TCF20: variants seen among roughly 807,000 people sequenced by gnomAD.
TCF20 encodes the protein SPRE-binding protein.
In TCF20, 3 loss-of-function variants were observed where a neutral mutation model predicts 148.6. That is an observed-to-expected ratio of 0.02 (90% CI 0.01 to 0.05). The LOEUF (loss-of-function observed/expected upper bound fraction) is 0.05. TCF20 is among the 10% of genes least tolerant of loss of function. TCF20 has a pLI of 1.00. For missense variants in TCF20, 2,350 were observed against 2,429.3 expected, an observed-to-expected ratio of 0.97 and a Z score of 0.69; for synonymous variants, 1,049 against 909.5, an observed-to-expected ratio of 1.15 and a Z score of -2.76.
chr22:42,217,605 T>C (rs990619586), intron 1 of TCF20, among the ~76,000 whole-genome samples: 1 of 152,236 alleles, frequency 6.6e-6, no homozygotes, highest in Admixed American at 6.5e-5. Flanking sequence ...GTGTAAGAAC[T>C]AGGCCTTAGA....
At chr22:42,267,447 A>C (rs1224667955) in intron 1 of TCF20, among the ~76,000 whole-genome samples, 1 of 152,214 alleles carries the variant, frequency 6.6e-6, no homozygotes, top group Admixed American at 6.5e-5. Flanking sequence ...TCATACCTGT[A>C]ATCCCAGCAC....
intron 3 of TCF20, among the ~76,000 whole-genome samples, chr22:42,172,184 G>C (rs1229210508): frequency 6.6e-6 from 1 of 152,206 alleles, no homozygotes; most frequent in Non-Finnish European, 1.5e-5. Flanking sequence ...TCTCATACAT[G>C]TCCACAGGCC....
intron 3 of TCF20, 87 bp downstream of exon 3, chr22:42,179,522 G>GA (rs1328873526): frequency 1.1e-4 from 65 of 587,950 alleles, no homozygotes; most frequent in South Asian, 1.4e-4. Flanking sequence ...GAAAAGAAAA[G>GA]AAAAAAAACA....
intron 1 of TCF20, among the ~76,000 whole-genome samples, chr22:42,325,206 A>G (rs1427435035): frequency 6.6e-6 from 1 of 152,180 alleles, no homozygotes; most frequent in Non-Finnish European, 1.5e-5. Context: ...CGGATACTCT[A>G]TGGTGCTGGA....
chr22:42,220,753 G>C (rs527845841), intron 1 of TCF20, among the ~76,000 whole-genome samples: 1 of 152,188 alleles, frequency 6.6e-6, no homozygotes, highest in African/African-American at 2.4e-5. Context: ...AAAGTGAGAG[G>C]AACTTACTCT....
chr22:42,187,050 T>C (rs756824218), intron 2 of TCF20, among the ~76,000 whole-genome samples: 5 of 152,222 alleles, frequency 3.3e-5, no homozygotes, highest in Non-Finnish European at 7.3e-5. Flanking sequence ...GCTGCCTGCA[T>C]CAGAGTCACC....
In TCF20 at chr22:42,161,972, C is replaced by CTTTTTTTT. The variant is rs3045573; in HGVS notation, c.*45-622_*45-615dup. Among the ~76,000 whole-genome samples, 101 of 75,020 alleles carry CTTTTTTTT rather than the reference C, an allele frequency of 1.3e-3. 20 individuals are homozygous for CTTTTTTTT. Among genetic ancestry groups the CTTTTTTTT allele is most frequent in the Middle Eastern group, 9.6e-3 (1 of 104 alleles). The allele number at this position is 75,020 out of a possible 152,430, so 49.2% of individuals were successfully genotyped here. ...GCCACCATGCTTGGCTAATGACAGT[C>CTTTTTTTT]TTTTTTTTTTTTTTTTTTTTTTTTT... On this transcript the variant is annotated intron_variant, in intron 5 of 5. Coordinates refer to ENST00000677622, the MANE Select transcript of TCF20 (RefSeq NM_001378418.1).
At chr22:42,252,445 CA>C (rs1171290893) in intron 1 of TCF20, among the ~76,000 whole-genome samples, 3 of 151,994 alleles carry the variant, frequency 2.0e-5, no homozygotes, top group Non-Finnish European at 1.5e-5. Context: ...CCTTTATCCA[CA>C]CACAAGACAG....
chr22:42,172,698 T>C lies in TCF20; in HGVS notation c.5750-2802A>G, dbSNP rs529960196. Among the ~76,000 whole-genome samples, 4 of 152,306 alleles carry C rather than the reference T, an allele frequency of 2.6e-5. No homozygotes were observed. The East Asian group carries it at 7.7e-4, about 29-fold the overall frequency. ...CCACATGCTCCCAGGCTGAGGATGG[T>C]GGGCTCAAGGAGGGAGGTAGGAAAA... On this transcript the variant is annotated intron_variant, in intron 3 of 5. Coordinates refer to ENST00000677622, the MANE Select transcript of TCF20 (RefSeq NM_001378418.1).
chr22:42,184,504 T>C (rs548200752), intron 2 of TCF20, among the ~76,000 whole-genome samples: 1 of 152,360 alleles, frequency 6.6e-6, no homozygotes, highest in African/African-American at 2.4e-5. Flanking sequence ...ATTTTTATTC[T>C]ATACTTTTTA....
At chr22:42,242,677 A>G (rs1330330218) in intron 1 of TCF20, among the ~76,000 whole-genome samples, 1 of 152,136 alleles carries the variant, frequency 6.6e-6, no homozygotes, top group African/African-American at 2.4e-5. Context: ...ACCTGAGGTC[A>G]GGAGTTCAAG....
chr22:42,238,843 C>T (rs557531627), intron 1 of TCF20, among the ~76,000 whole-genome samples: 1 of 152,294 alleles, frequency 6.6e-6, no homozygotes, highest in Non-Finnish European at 1.5e-5. Context: ...TCAGGCCGGG[C>T]GCGGTGGCTC....
In TCF20 at chr22:42,164,887, GT is replaced by G. The variant is rs546283062; in HGVS notation, c.*45-3530del. ...CAGAAGCCCAGAGGAAGGAAGCCTG[GT>G]CCCTGAGGAGCTGGAGGCAGCCAGG... On this transcript the variant is annotated intron_variant, in intron 5 of 5. Transcript: ENST00000677622. Among the ~76,000 whole-genome samples the G allele has an allele frequency of 4.3e-4, 66 of 152,306 alleles. No individual in the cohort carries two copies. The South Asian group carries it at 0.014, about 32-fold the overall frequency.
chr22:42,190,387 G>A (rs910300641), intron 2 of TCF20, among the ~76,000 whole-genome samples: 1 of 152,160 alleles, frequency 6.6e-6, no homozygotes, highest in African/African-American at 2.4e-5. Context: ...TCAAGCCCAT[G>A]AGGTCAAGGC....
At chr22:42,312,655 G>A (rs1255089585) in intron 1 of TCF20, among the ~76,000 whole-genome samples, 4 of 152,070 alleles carry the variant, frequency 2.6e-5, no homozygotes, top group East Asian at 1.9e-4. Context: ...ACCTGTTGCC[G>A]CCCTGGCCTG....
In TCF20 at chr22:42,297,103, T is replaced by C. The variant is rs1338056624; in HGVS notation, c.-37+46376A>G. Among the ~76,000 whole-genome samples, 1 of 152,082 alleles carries C rather than the reference T, an allele frequency of 6.6e-6. No individual in the cohort carries two copies. Among genetic ancestry groups the C allele is most frequent in the Non-Finnish European group, 1.5e-5 (1 of 68,000 alleles). ...CAGTTTAAACTTGGGCCCCAGAACC[T>C]GTGTCCCAACCCCTATGCACTACTG... On this transcript the variant is annotated intron_variant, in intron 1 of 1. Transcript: ENST00000515426. The surrounding 1 kb of genome is among the most constrained non-coding windows in gnomAD (Gnocchi z 4.3).
intron 3 of TCF20, among the ~76,000 whole-genome samples, chr22:42,171,073 T>C (rs1268814924): frequency 6.6e-6 from 1 of 152,226 alleles, no homozygotes; most frequent in Admixed American, 6.5e-5. Flanking sequence ...TGTAACATGA[T>C]GACAGCATCC....
rs966621505 is a variant in TCF20 at position 42,290,087 on chromosome 22, C to T, written c.-37+53392G>A. On this transcript the variant is annotated intron_variant, in intron 1 of 1. Coordinates refer to the TCF20 transcript ENST00000515426. The surrounding 1 kb of genome is among the most constrained non-coding windows in gnomAD (Gnocchi z 4.2). ...CCGCACGCATGCGCCCCCTGCACCG[C>T]CGGCTGCTGCTTGGGGAGCGGGGGT... Among the ~76,000 whole-genome samples the T allele has an allele frequency of 6.6e-6, 1 of 152,236 alleles. No individual in the cohort carries two copies. The highest frequency in any genetic ancestry group is 2.4e-5 in the African/African-American group (1 of 41,470).
rs183313786 is a variant in TCF20, at chr22:42,203,643, C to T, written c.5655+6008G>A. ...AAAAACAGGTAAATTAGATACAAGT[C>T]TCTGCTATATACTGAAAGCCATGGG... On this transcript the variant is annotated intron_variant, in intron 2 of 5. Coordinates refer to ENST00000677622, the MANE Select transcript of TCF20 (RefSeq NM_001378418.1). Among the ~76,000 whole-genome samples, 24 of 152,276 alleles carry T rather than the reference C, an allele frequency of 1.6e-4. No individual in the cohort carries two copies. The East Asian group carries it at 4.4e-3, about 28-fold the overall frequency.
Sources: gnomAD v4.1 joint callset for allele counts (sites outside exome capture counted in the v4.1 genomes callset) on GRCh38, gnomAD v4.1.1 for gene constraint, Gnocchi (gnomAD v3.1) non-coding constraint, MANE v1.5 for transcripts, NCBI Gene and HGNC (gene_info 2026-07-23, HGNC 2026-07-21) for gene names.